The following UMAD1 variants were observed in gnomAD, a reference collection of about 807,000 sequenced individuals.
UMAD1 encodes the protein UBAP1-MVB12-associated (UMA) domain containing 1.
UMAD1 carries 8 observed loss-of-function variants against 6.1 expected under a neutral mutation model. The ratio of observed to expected loss-of-function variants is 1.30; its 90% CI spans 0.76 to 2.35. The LOEUF (loss-of-function observed/expected upper bound fraction) is 2.35, where lower values mean the gene tolerates loss of function less well. UMAD1 is among the 30% of genes most tolerant of loss of function. UMAD1 has a pLI of 0.00. For missense variants in UMAD1, 130 were observed against 78.4 expected (o/e 1.66, Z -2.49); for synonymous variants, 56 against 31.4 (o/e 1.78, Z -2.61).
chr7:7,763,845 G>T (rs1223463957), intron 2 of UMAD1, among the ~76,000 whole-genome samples: 1 of 152,172 alleles, frequency 6.6e-6, no homozygotes, highest in African/African-American at 2.4e-5. Context: ...AAATAATACA[G>T]CCTCTAGGAA....
intron 3 of UMAD1, among the ~76,000 whole-genome samples, chr7:7,834,188 A>C (rs969341709): frequency 1.3e-4 from 20 of 151,416 alleles, no homozygotes; most frequent in African/African-American, 4.9e-4. Flanking sequence ...CGCCTGGATA[A>C]ATTTTGTATT....
At chr7:7,829,093 G>A (rs1235354299) in intron 3 of UMAD1, among the ~76,000 whole-genome samples, 1 of 152,138 alleles carries the variant, frequency 6.6e-6, no homozygotes, top group Non-Finnish European at 1.5e-5. Context: ...ACATTTTCTT[G>A]TCAATGTTCT....
intron 2 of UMAD1, among the ~76,000 whole-genome samples, chr7:7,715,950 A>G (rs1053236582): frequency 2.0e-5 from 3 of 152,264 alleles, no homozygotes; most frequent in Non-Finnish European, 4.4e-5. Context: ...ACAAGGAGAT[A>G]GTATAAAACA....
At chr7:7,876,434 T>C (rs1307179821) in intron 3 of UMAD1, among the ~76,000 whole-genome samples, 2 of 152,108 alleles carry the variant, frequency 1.3e-5, no homozygotes, top group Non-Finnish European at 2.9e-5. Flanking sequence ...GAGTCATTTT[T>C]TTGCCCAGGC....
At position 7,711,765 on chromosome 7, in the gene UMAD1, C is replaced by T. The variant is rs1780769993; in HGVS notation, c.82+38312C>T. On this transcript the variant is annotated intron_variant, in intron 2 of 3. Transcript: ENST00000682710. ...TTGCATTTTAATGACTTATGTTTTT[C>T]TTTTTATCTGTTAATGAAGAGACAT... 2.0e-5 allele frequency among the ~76,000 whole-genome samples: 3 copies of T among 151,808 alleles called. No individual in the cohort carries two copies. The South Asian group carries it at 6.2e-4, about 31-fold the overall frequency.
intron 2 of UMAD1, among the ~76,000 whole-genome samples, chr7:7,727,950 A>G (rs12702639): frequency 0.053 from 7,979 of 151,710 alleles, 261 homozygotes; most frequent in Middle Eastern, 0.12. Context: ...GTGATTTAAT[A>G]CTCCTTAATA....
In UMAD1 at chr7:7,748,103, A is replaced by ATTTTTTTT. The variant is rs35368211; in HGVS notation, c.83-53560_83-53553dup. 3.2e-3 allele frequency among the ~76,000 whole-genome samples: 454 copies of ATTTTTTTT among 140,150 alleles called. 7 individuals carry two copies. The highest frequency in any genetic ancestry group is 0.011 in the African/African-American group (390 of 35,912). The allele number at this position is 140,150 out of a possible 152,430, so 91.9% of individuals were successfully genotyped here. A position where few individuals can be genotyped will look rare whatever the true frequency, so the allele number is the denominator to read the frequency against. ...AGGGGCCTGCCACCACGCCCAGCTA[A>ATTTTTTTT]TTTTTTTTTTTTTTGTATTTTCAGT... On this transcript the variant is annotated intron_variant, in intron 2 of 3. Coordinates refer to ENST00000682710, the MANE Select transcript of UMAD1 (RefSeq NM_001302348.2).
intron 3 of UMAD1, among the ~76,000 whole-genome samples, chr7:7,810,481 TAC>T (rs1315525554): frequency 1.3e-5 from 2 of 152,164 alleles, no homozygotes; most frequent in Admixed American, 6.5e-5. Context: ...CAATAAAATA[TAC>T]AGATATAGTA....
At position 7,780,166 on chromosome 7, in the gene UMAD1, G is replaced by A. The variant is rs183621259; in HGVS notation, c.83-21504G>A. Among the ~76,000 whole-genome samples the A allele has an allele frequency of 1.9e-3, 289 of 152,248 alleles. 1 individual carries two copies. The highest frequency in any genetic ancestry group is 6.6e-3 in the African/African-American group (276 of 41,552). On this transcript the variant is annotated intron_variant, in intron 2 of 3. Transcript: ENST00000682710. ...AACTTAAACAGGTTCCAGTGTTCCT[G>A]TCTTAACAACCATTGCCATTTACTA...
intron 1 of UMAD1, among the ~76,000 whole-genome samples, chr7:7,655,796 A>G (rs1785326843): frequency 1.3e-5 from 2 of 151,398 alleles, no homozygotes; most frequent in South Asian, 4.2e-4. Context: ...GTAGGTATAT[A>G]GTAAGTGTAT....
chr7:7,654,152 A>G (rs1375241296), intron 1 of UMAD1, among the ~76,000 whole-genome samples: 1 of 152,204 alleles, frequency 6.6e-6, no homozygotes, highest in Non-Finnish European at 1.5e-5. Context: ...TAAAAAGAAA[A>G]CAAACACAGA....
At chr7:7,780,776 C>T (rs1782329388) in intron 2 of UMAD1, among the ~76,000 whole-genome samples, 1 of 152,142 alleles carries the variant, frequency 6.6e-6, no homozygotes, top group South Asian at 2.1e-4. Flanking sequence ...TGAGATTCAT[C>T]CATATTGTTC....
chr7:7,863,916 G>A (rs1046664696), intron 3 of UMAD1, among the ~76,000 whole-genome samples: 1 of 152,202 alleles, frequency 6.6e-6, no homozygotes, highest in Admixed American at 6.5e-5. Context: ...AGGATATTAG[G>A]GTTTAGCTTA....
At chr7:7,654,918 AT>A (rs1266364884) in intron 1 of UMAD1, among the ~76,000 whole-genome samples, 5 of 148,508 alleles carry the variant, frequency 3.4e-5, no homozygotes, top group Non-Finnish European at 3.0e-5. Flanking sequence ...AAAAAAAAAA[AT>A]TTGTGATATT....
At chr7:7,722,699 A>G (rs531192328) in intron 2 of UMAD1, among the ~76,000 whole-genome samples, 1 of 152,284 alleles carries the variant, frequency 6.6e-6, no homozygotes, top group East Asian at 1.9e-4. Flanking sequence ...GTAGAGAAAG[A>G]GCTGAAATTG....
chr7:7,671,924 C>A (rs1055401047), intron 1 of UMAD1, among the ~76,000 whole-genome samples: 1 of 152,022 alleles, frequency 6.6e-6, no homozygotes, highest in Non-Finnish European at 1.5e-5. Flanking sequence ...TTTTCTTCTC[C>A]ATTTTGAATT....
At chr7:7,734,360 T>G (rs1355952926) in intron 2 of UMAD1, among the ~76,000 whole-genome samples, 4 of 152,138 alleles carry the variant, frequency 2.6e-5, no homozygotes, top group Non-Finnish European at 1.5e-5. Context: ...AGCTAACCTT[T>G]ATTTATTATT....
intron 1 of UMAD1, among the ~76,000 whole-genome samples, chr7:7,646,286 A>G (rs1389962930): frequency 1.6e-5 from 2 of 126,076 alleles, no homozygotes; most frequent in African/African-American, 5.9e-5. Flanking sequence ...TCTCAGTGGG[A>G]TGGTGATACG....
At chr7:7,757,275 A>T (rs1396710738) in intron 2 of UMAD1, among the ~76,000 whole-genome samples, 1 of 152,208 alleles carries the variant, frequency 6.6e-6, no homozygotes, top group Non-Finnish European at 1.5e-5. Flanking sequence ...GGTATCCAAG[A>T]TGTGAGAAAA....
Sources: allele counts gnomAD v4.1 joint callset (sites outside exome capture counted in the v4.1 genomes callset), GRCh38; gene constraint gnomAD v4.1.1; transcripts MANE v1.5; gene names NCBI Gene and HGNC (gene_info 2026-07-23, HGNC 2026-07-21).